Variants in PLCG1 observed in about 807,000 individuals in gnomAD.
PLCG1 encodes phospholipase C gamma 1.
Under a neutral mutation model 177.8 loss-of-function variants are expected in PLCG1, and 71 were observed. The ratio of observed to expected loss-of-function variants is 0.40; its 90% CI spans 0.33 to 0.49. The LOEUF is 0.49. Ranked by LOEUF, PLCG1 falls within the 20% of genes least tolerant of loss-of-function variation. The probability of loss-of-function intolerance (pLI) is 0.72; values close to 1 mark genes in which losing one functional copy is unlikely to be tolerated. For synonymous variants in PLCG1, 658 were observed against 647.9 expected (o/e 1.02, Z -0.24); for missense variants, 1,281 against 1,709.0 (o/e 0.75, Z 4.42).
At position 41,170,080 on chromosome 20, in the gene PLCG1, T is replaced by C. The variant is rs1395633888; in HGVS notation, c.2651-32T>C. On this transcript the variant is annotated intron_variant, in intron 23 of 31. Coordinates refer to ENST00000685551, the MANE Select transcript of PLCG1 (RefSeq NM_002660.3). ...TGGGGTGGAGGGGGTGAGATGTCTA[T>C]TCCCAGCTGTTATCTGCTCTCGCCC... 4.4e-6 allele frequency: 7 copies of C among 1,580,846 alleles called. No homozygotes were observed. In the African/African-American group the frequency reaches 5.4e-5, roughly 12 times the overall value.
chr20:41,170,035 C>A, intron 23 of PLCG1, 77 bp from the exon 24 acceptor site: 2 of 1,316,698 alleles, frequency 1.5e-6, no homozygotes, highest in Non-Finnish European at 2.1e-6. Flanking sequence ...CTCATTTGAG[C>A]CAGTGCCTGC....
rs770005346 is a variant in PLCG1, at chr20:41,165,016, G to T, written c.1301G>T (p.Gly434Val). Reference protein sequence around the residue: ...NMAQYFKKVLGDTLLTKPVEI... With the variant: ...NMAQYFKKVLVDTLLTKPVEI... ...GCCCAATACTTCAAGAAGGTGCTGG[G>T]GGACACACTCCTCACCAAGCCCGTG... Residue 434 changes from glycine to valine, a missense_variant, in exon 13 of 32, where the codon GGG (glycine) becomes GTG (valine). Transcript: ENST00000685551. The surrounding 1 kb of genome is among the most constrained non-coding windows in gnomAD (Gnocchi z 6.6). 1 of 1,614,200 alleles carries T rather than the reference G, an allele frequency of 6.2e-7. No individual in the cohort carries two copies. Among genetic ancestry groups the T allele is most frequent in the Non-Finnish European group, 8.5e-7 (1 of 1,180,044 alleles).
At position 41,173,067 on chromosome 20, in the gene PLCG1, C is replaced by T. The variant is rs2035953561; in HGVS notation, c.3279+190C>T. Among the ~76,000 whole-genome samples, 1 of 152,142 alleles carries T rather than the reference C, an allele frequency of 6.6e-6. No homozygotes were observed. The highest frequency in any genetic ancestry group is 2.4e-5 in the African/African-American group (1 of 41,406). ...TGTATGCATCTAGGACGTGCAGAGC[C>T]ATGGTGTGACTTGTTCTGATGACTT... On this transcript the variant is annotated intron_variant, in intron 27 of 31. Transcript: ENST00000685551. This position sits in a 1 kb window ranked among gnomAD's most constrained non-coding sequence, Gnocchi z 6.2.
At position 41,167,787 on chromosome 20, in the gene PLCG1, C is replaced by A; in HGVS notation, c.2302-65C>A. 1 of 1,162,250 alleles carries A rather than the reference C, an allele frequency of 8.6e-7. No homozygotes were observed. The highest frequency in any genetic ancestry group is 1.3e-6 in the Non-Finnish European group (1 of 772,924). 72.0% of individuals were successfully genotyped at this position (1,162,250 alleles called of 1,614,324 possible). On this transcript the variant is annotated intron_variant, in intron 19 of 31. Coordinates refer to ENST00000685551, the MANE Select transcript of PLCG1 (RefSeq NM_002660.3). This position sits in a 1 kb window ranked among gnomAD's most constrained non-coding sequence, Gnocchi z 4.4. The stretch of plus-strand genomic sequence containing the variant: ...GGGGAAAGGGAAGCTGCTCCAGAAA[C>A]CAGTAGCTGCTTTCTACCTCTGGGC...
At position 41,177,280 on chromosome 20, in the gene PLCG1, G is replaced by A. The variant is rs2036090434; in HGVS notation, c.*2771G>A. ...CTCAGCAGACATGTACACATACAAA[G>A]TAGAGCCTACAAGGTCAGGGGCATT... On this transcript the variant is annotated 3_prime_UTR_variant, in exon 32 of 32. Coordinates refer to ENST00000685551, the MANE Select transcript of PLCG1 (RefSeq NM_002660.3). 1 of 152,234 alleles carries A rather than the reference G, an allele frequency of 6.6e-6. No homozygotes were observed. Among genetic ancestry groups the A allele is most frequent in the South Asian group, 2.1e-4 (1 of 4,834 alleles). The allele number at this position is 152,234 out of a possible 1,614,324, so 9.4% of individuals were successfully genotyped here.
Position 41,165,284 on chromosome 20 carries a change from C to T in PLCG1, c.1426C>T (p.Pro476Ser), listed in dbSNP as rs142392437. Residue 476 changes from proline to serine, a missense_variant, in exon 14 of 32, where the codon CCT (proline) becomes TCT (serine). Transcript: ENST00000685551. The surrounding 1 kb of genome is among the most constrained non-coding windows in gnomAD (Gnocchi z 6.6). ...LAEGSAYEEV[P>S]TSMMYSENDI... ...TGAGGGCAGTGCCTACGAGGAGGTG[C>T]CTACATCCATGATGTACTCTGAGAA... 3 of 1,613,830 alleles carry T rather than the reference C, an allele frequency of 1.9e-6. No individual in the cohort carries two copies. Among genetic ancestry groups the T allele is most frequent in the Non-Finnish European group, 2.5e-6 (3 of 1,179,870 alleles).
At chr20:41,141,019 G>A (rs1351083160) in intron 1 of PLCG1, among the ~76,000 whole-genome samples, 2 of 152,196 alleles carry the variant, frequency 1.3e-5, no homozygotes, top group Non-Finnish European at 2.9e-5. Flanking sequence ...GCATTACAGG[G>A]CAAAGACCAC....
chr20:41,164,790 G>T lies in PLCG1; in HGVS notation c.1218-143G>T. The T allele has an allele frequency of 1.3e-6, 1 of 766,372 alleles. No individual in the cohort carries two copies. Among genetic ancestry groups the T allele is most frequent in the Non-Finnish European group, 2.1e-6 (1 of 481,796 alleles). 47.5% of individuals were successfully genotyped at this position (766,372 alleles called of 1,614,324 possible). The stretch of plus-strand genomic sequence containing the variant: ...AGAACCCCTCTCTGCCCCACCAGTG[G>T]CTATGGCCTGCCTCTTTTCTGGGAT... On this transcript the variant is annotated intron_variant, in intron 12 of 31. Coordinates refer to ENST00000685551, the MANE Select transcript of PLCG1 (RefSeq NM_002660.3). The surrounding 1 kb of genome is among the most constrained non-coding windows in gnomAD (Gnocchi z 6.4).
In PLCG1 at chr20:41,137,904, G is replaced by A. The variant is rs764039383; in HGVS notation, c.217+46G>A. On this transcript the variant is annotated intron_variant, in intron 1 of 31. Transcript: ENST00000685551. The surrounding 1 kb of genome is among the most constrained non-coding windows in gnomAD (Gnocchi z 7.3). ...CCTGGGCCCGCCCCGCGCGGGGGTCGTGGGAGCCCGGCCCGACTGCTTGCA... is the reference window on the plus strand; with the variant it reads ...CCTGGGCCCGCCCCGCGCGGGGGTCATGGGAGCCCGGCCCGACTGCTTGCA... The A allele has an allele frequency of 6.4e-5, 77 of 1,197,490 alleles. No individual in the cohort carries two copies. The highest frequency in any genetic ancestry group is 7.8e-5 in the Non-Finnish European group (74 of 943,514). 74.2% of individuals were successfully genotyped at this position (1,197,490 alleles called of 1,614,324 possible). A position where few individuals can be genotyped will look rare whatever the true frequency, so the allele number is the denominator to read the frequency against.
At position 41,166,400 on chromosome 20, in the gene PLCG1, G is replaced by T; in HGVS notation, c.2000+6G>T. ...AACGCCCACGAGAGCAAAGAGTGAG[G>T]GAAGGGCCTGGGGGCGGACAAGGCA... On this transcript the variant is annotated splice_donor_region_variant and intron_variant, in intron 17 of 31. Transcript: ENST00000685551. This position sits in a 1 kb window ranked among gnomAD's most constrained non-coding sequence, Gnocchi z 8.6. The T allele has an allele frequency of 1.2e-6, 2 of 1,614,080 alleles. No individual in the cohort carries two copies. The highest frequency in any genetic ancestry group is 1.7e-6 in the Non-Finnish European group (2 of 1,180,046).
In PLCG1 at chr20:41,151,504, A is replaced by T. The variant is rs775035017; in HGVS notation, c.218-8102A>T. ...AACCCTGTGACCTCAGAAGTCCCTG[A>T]ACCCAGATCCTTGTTTGTAAAATGG... On this transcript the variant is annotated intron_variant, in intron 1 of 31. Transcript: ENST00000685551. The surrounding 1 kb of genome is among the most constrained non-coding windows in gnomAD (Gnocchi z 5.5). Among the ~76,000 whole-genome samples, 8 of 152,232 alleles carry T rather than the reference A, an allele frequency of 5.3e-5. No individual in the cohort carries two copies. The highest frequency in any genetic ancestry group is 1.3e-4 in the Admixed American group (2 of 15,290).
rs1229067449 is a variant in PLCG1, at chr20:41,144,519, G to A, written c.217+6661G>A. On this transcript the variant is annotated intron_variant, in intron 1 of 31. Transcript: ENST00000685551. The surrounding 1 kb of genome is among the most constrained non-coding windows in gnomAD (Gnocchi z 4.1). ...AGACCTTTCCCACACTCCTACATGG[G>A]GGTGAATGTAGCCGCTGATTGGGGG... Among the ~76,000 whole-genome samples, 1 of 152,074 alleles carries A rather than the reference G, an allele frequency of 6.6e-6. No individual in the cohort carries two copies. Among genetic ancestry groups the A allele is most frequent in the Non-Finnish European group, 1.5e-5 (1 of 68,030 alleles).
chr20:41,172,431 A>T lies in PLCG1; in HGVS notation c.2916A>T (p.Thr972=). ...PVPFDEEKIG[T]ERACYRDMSS... is the part of the protein sequence containing the mutation. ...CCCTGTTTGGCCCAGAGATTGGCAC[A>T]GAACGTGCTTGCTACCGGGACATGT... The change falls in exon 26 of 32, where the codon ACA becomes ACT. Residue 972 remains threonine, a synonymous_variant. Coordinates refer to ENST00000685551, the MANE Select transcript of PLCG1 (RefSeq NM_002660.3). This position sits in a 1 kb window ranked among gnomAD's most constrained non-coding sequence, Gnocchi z 7.0. The T allele has an allele frequency of 6.2e-7, 1 of 1,614,124 alleles. No individual in the cohort carries two copies. The highest frequency in any genetic ancestry group is 2.2e-5 in the East Asian group (1 of 44,884).
chr20:41,166,254 G>C lies in PLCG1; in HGVS notation c.1860G>C (p.Lys620Asn). The C allele has an allele frequency of 6.2e-7, 1 of 1,614,184 alleles. No individual in the cohort carries two copies. The highest frequency in any genetic ancestry group is 8.5e-7 in the Non-Finnish European group (1 of 1,180,038). ...IHSRQDAGTP[K>N]FFLTDNLVFD... ...CCCGGCAAGATGCTGGGACCCCCAA[G>C]TTCTTCTTGACAGACAACCTCGTCT... is the stretch of plus-strand genomic sequence containing the variant. The change falls in exon 17 of 32, where the codon AAG becomes AAC. Residue 620 changes from lysine (K) to asparagine (N), a missense_variant. Coordinates refer to ENST00000685551, the MANE Select transcript of PLCG1 (RefSeq NM_002660.3). This position sits in a 1 kb window ranked among gnomAD's most constrained non-coding sequence, Gnocchi z 8.6.
rs749316523 is a variant in PLCG1, at chr20:41,162,684, G to A, written c.640G>A (p.Ala214Thr). ...CGGGGACATCACCTACGGGCAGTTT[G>A]CTCAGCTGTACCGCAGCCTCATGTA... is the stretch of plus-strand genomic sequence containing the variant. ...RSGDITYGQF[A>T]QLYRSLMYSA... The change falls in exon 6 of 32, where the codon GCT (alanine) becomes ACT (threonine). Residue 214 changes from alanine (A) to threonine (T), a missense_variant. Physicochemically the swap from Ala to Thr is moderately conservative, Grantham distance 58. This residue lies in a region of PLCG1 where 374 missense variants were observed against 443.8 expected (regional missense o/e 0.84). Transcript: ENST00000685551. The A allele has an allele frequency of 3.7e-6, 6 of 1,613,994 alleles. No homozygotes were observed. The highest frequency in any genetic ancestry group is 4.2e-6 in the Non-Finnish European group (5 of 1,179,968).
chr20:41,170,644 TC>T (rs2035868822), intron 24 of PLCG1: 1 of 183,204 alleles, frequency 5.5e-6, no homozygotes, highest in South Asian at 1.4e-4. Context: ...ATTGAGAAGC[TC>T]CATATGAGAA....
At position 41,166,021 on chromosome 20, in the gene PLCG1, C is replaced by T. The variant is rs2035679195; in HGVS notation, c.1800-173C>T. Among the ~76,000 whole-genome samples, 1 of 139,006 alleles carries T rather than the reference C, an allele frequency of 7.2e-6. No individual in the cohort carries two copies. The highest frequency in any genetic ancestry group is 2.6e-5 in the African/African-American group (1 of 38,904). The allele number at this position is 139,006 out of a possible 152,430, so 91.2% of individuals were successfully genotyped here. On this transcript the variant is annotated intron_variant, in intron 16 of 31. Transcript: ENST00000685551. The surrounding 1 kb of genome is among the most constrained non-coding windows in gnomAD (Gnocchi z 8.6). ...CCCCCATACCCCTCCCTTTTCGGTT[C>T]ATTTGAAGCCCACACCTTTGGTTCA...
Position 41,174,604 on chromosome 20 carries a change from T to C in PLCG1, c.*95T>C. On this transcript the variant is annotated 3_prime_UTR_variant, in exon 32 of 32. Coordinates refer to ENST00000685551, the MANE Select transcript of PLCG1 (RefSeq NM_002660.3). This position sits in a 1 kb window ranked among gnomAD's most constrained non-coding sequence, Gnocchi z 5.8. ...TGGAAGCAGCCCCCTGTGGCGGCCT[T>C]CCGGGTCTCGCAGCCTGAAGCCTGG... 2 of 1,114,642 alleles carry C rather than the reference T, an allele frequency of 1.8e-6. No individual in the cohort carries two copies. Among genetic ancestry groups the C allele is most frequent in the Non-Finnish European group, 2.7e-6 (2 of 751,326 alleles). The allele number at this position is 1,114,642 out of a possible 1,614,324, so 69.0% of individuals were successfully genotyped here.
Position 41,172,673 on chromosome 20 carries a change from A to AG in PLCG1, c.3130+30dup. On this transcript the variant is annotated intron_variant, in intron 26 of 31. Coordinates refer to ENST00000685551, the MANE Select transcript of PLCG1 (RefSeq NM_002660.3). The surrounding 1 kb of genome is among the most constrained non-coding windows in gnomAD (Gnocchi z 7.0). ...GAGGAAGTCCCCTGTGAGGAGGGTG[A>AG]GGAGGGGCACTGTGGGGCAGCTGGA... The AG allele has an allele frequency of 1.2e-6, 2 of 1,613,000 alleles. No homozygotes were observed. The highest frequency in any genetic ancestry group is 2.2e-5 in the South Asian group (2 of 91,022).
Sources: allele counts gnomAD v4.1 joint callset (sites outside exome capture counted in the v4.1 genomes callset), GRCh38; gene constraint gnomAD v4.1.1; regional missense constraint gnomAD v4.1.1; non-coding constraint Gnocchi (gnomAD v3.1); transcripts MANE v1.5; gene names NCBI Gene and HGNC (gene_info 2026-07-23, HGNC 2026-07-21).